Variants in TOX observed in about 807,000 individuals in gnomAD.
TOX encodes thymocyte selection associated high mobility group box.
A neutral mutation model predicts 53.7 loss-of-function variants in TOX; 11 were observed. The ratio of observed to expected loss-of-function variants is 0.20; its 90% CI spans 0.13 to 0.34. The LOEUF (loss-of-function observed/expected upper bound fraction) is 0.34, where lower values mean the gene tolerates loss of function less well. TOX is among the 10% of genes least tolerant of loss of function. The pLI, the probability that TOX is intolerant of heterozygous loss-of-function variation, is 1.00. For missense variants in TOX, 570 were observed against 664.6 expected, an observed-to-expected ratio of 0.86 and a Z score of 1.56; for synonymous variants, 225 against 245.3, an observed-to-expected ratio of 0.92 and a Z score of 0.77.
intron 3 of TOX, among the ~76,000 whole-genome samples, chr8:58,933,930 G>A (rs1217019097): frequency 1.3e-5 from 2 of 152,166 alleles, no homozygotes; most frequent in African/African-American, 4.8e-5. Flanking sequence ...CTGGTAAGAG[G>A]GTTCAGTGAC....
At chr8:58,998,558 T>TA (rs1563413618) in intron 1 of TOX, among the ~76,000 whole-genome samples, 2 of 36,012 alleles carry the variant, frequency 5.6e-5, no homozygotes, top group African/African-American at 1.9e-4. Flanking sequence ...TATAATAAAT[T>TA]TATGTAATAA....
At chr8:58,907,687 T>A (rs947822833) in intron 3 of TOX, among the ~76,000 whole-genome samples, 3 of 152,138 alleles carry the variant, frequency 2.0e-5, no homozygotes, top group African/African-American at 7.2e-5. Context: ...AGAGGCAGAA[T>A]TGGACCCCAC....
At chr8:59,100,768 C>T (rs1804792652) in intron 1 of TOX, among the ~76,000 whole-genome samples, 2 of 152,026 alleles carry the variant, frequency 1.3e-5, no homozygotes. Context: ...ATGAACACTT[C>T]ATACATAAAA....
intron 1 of TOX, among the ~76,000 whole-genome samples, chr8:59,077,061 T>C (rs1804304904): frequency 6.6e-6 from 1 of 152,236 alleles, no homozygotes; most frequent in Non-Finnish European, 1.5e-5. Flanking sequence ...GTGAACAAGC[T>C]GGGGTAACCC....
chr8:58,898,261 C>T (rs1478057241), intron 3 of TOX, among the ~76,000 whole-genome samples: 1 of 123,224 alleles, frequency 8.1e-6, no homozygotes, highest in Non-Finnish European at 1.7e-5. Context: ...CAGTCAAGCT[C>T]TCTCTGGAAT....
chr8:59,047,203 G>GTTTTTTT (rs10551461), intron 1 of TOX, among the ~76,000 whole-genome samples: 15 of 44,686 alleles, frequency 3.4e-4, no homozygotes, highest in Non-Finnish European at 4.0e-4. Context: ...ACCAAGAATT[G>GTTTTTTT]TTTTTTTTTT....
intron 1 of TOX, among the ~76,000 whole-genome samples, chr8:59,032,165 G>A (rs368007704): frequency 1.2e-4 from 18 of 152,276 alleles, no homozygotes; most frequent in Middle Eastern, 3.4e-3. Context: ...GGGAGTGAAG[G>A]AGAAGTGATG....
At chr8:59,049,473 A>G (rs1248046162) in intron 1 of TOX, among the ~76,000 whole-genome samples, 3 of 152,182 alleles carry the variant, frequency 2.0e-5, no homozygotes, top group African/African-American at 7.2e-5. Context: ...ATAGATTAAA[A>G]CCAATGTGTT....
At chr8:58,973,202 ATG>A (rs200685014) in intron 1 of TOX, among the ~76,000 whole-genome samples, 18 of 152,326 alleles carry the variant, frequency 1.2e-4, no homozygotes, top group South Asian at 4.1e-4. Flanking sequence ...AGCTCTTTAG[ATG>A]CACGACAGGA....
intron 1 of TOX, among the ~76,000 whole-genome samples, chr8:58,988,432 C>T (rs1431137801): frequency 1.3e-5 from 2 of 152,142 alleles, no homozygotes; most frequent in Admixed American, 6.5e-5. Flanking sequence ...GCCACATCAA[C>T]TATCTGGCCT....
At chr8:58,934,101 G>A (rs1442871107) in intron 3 of TOX, among the ~76,000 whole-genome samples, 1 of 152,212 alleles carries the variant, frequency 6.6e-6, no homozygotes, top group African/African-American at 2.4e-5. Flanking sequence ...ATGAATGACT[G>A]TTTAACTTGG....
At chr8:58,891,558 C>G (rs1343987729) in intron 3 of TOX, among the ~76,000 whole-genome samples, 3 of 152,080 alleles carry the variant, frequency 2.0e-5, no homozygotes, top group Admixed American at 6.5e-5. Context: ...GTACCACCCT[C>G]CCCTTGTAAT....
chr8:58,984,435 G>C (rs1226497033), intron 1 of TOX, among the ~76,000 whole-genome samples: 1 of 152,080 alleles, frequency 6.6e-6, no homozygotes, highest in Non-Finnish European at 1.5e-5. Context: ...TAATTGTTAG[G>C]GAAATAGAAA....
intron 3 of TOX, among the ~76,000 whole-genome samples, chr8:58,893,454 G>A (rs1811592222): frequency 6.6e-6 from 1 of 152,106 alleles, no homozygotes; most frequent in South Asian, 2.1e-4. Flanking sequence ...TCTAGTGATA[G>A]TGTTTTCAAA....
At chr8:58,870,051 C>T (rs1033553402) in intron 3 of TOX, among the ~76,000 whole-genome samples, 7 of 151,928 alleles carry the variant, frequency 4.6e-5, no homozygotes, top group African/African-American at 1.5e-4. Context: ...TATTATTCAA[C>T]GTTGTACTGA....
chr8:58,934,273 T>C (rs1455304010), intron 3 of TOX, among the ~76,000 whole-genome samples: 1 of 152,044 alleles, frequency 6.6e-6, no homozygotes, highest in Non-Finnish European at 1.5e-5. Flanking sequence ...CTACTAACAA[T>C]AAAATGGCAC....
chr8:58,858,490 G>A (rs770253385), intron 3 of TOX, among the ~76,000 whole-genome samples: 4 of 152,248 alleles, frequency 2.6e-5, no homozygotes, highest in Non-Finnish European at 5.9e-5. Flanking sequence ...AGCAGTTGGT[G>A]CACAGAGCGC....
At chr8:59,001,646 G>C in intron 1 of TOX, among the ~76,000 whole-genome samples, 1 of 152,312 alleles carries the variant, frequency 6.6e-6, no homozygotes, top group East Asian at 1.9e-4. Flanking sequence ...CTAGAGTTAA[G>C]AATGCATTCG....
intron 5 of TOX, among the ~76,000 whole-genome samples, chr8:58,834,805 C>T (rs1368524438): frequency 6.6e-6 from 1 of 152,166 alleles, no homozygotes; most frequent in Non-Finnish European, 1.5e-5. Context: ...CTGCATCCAA[C>T]GTGTGTCCTA....
Sources: gnomAD v4.1 joint callset for allele counts (sites outside exome capture counted in the v4.1 genomes callset) on GRCh38, gnomAD v4.1.1 for gene constraint, MANE v1.5 for transcripts, NCBI Gene and HGNC (gene_info 2026-07-23, HGNC 2026-07-21) for gene names.